The following ANKEF1 variants were observed in gnomAD, a reference collection of about 807,000 sequenced individuals.
ANKEF1 encodes the protein ankyrin repeat and EF-hand domain containing 1, also known as ankyrin repeat and EF-hand domain-containing protein 1.
A neutral mutation model predicts 65.1 loss-of-function variants in ANKEF1; 43 were observed. That is an observed-to-expected ratio of 0.66 (90% CI 0.52 to 0.85). ANKEF1 has a LOEUF of 0.85. Ranked by LOEUF, ANKEF1 falls within the 40% of genes least tolerant of loss-of-function variation. The probability of loss-of-function intolerance (pLI) is 0.00; values close to 1 mark genes in which losing one functional copy is unlikely to be tolerated. For synonymous variants in ANKEF1, 316 were observed against 341.5 expected (o/e 0.93, Z 0.82); for missense variants, 934 against 952.9 (o/e 0.98, Z 0.26).
intron 6 of ANKEF1, 30 bp downstream of exon 6, chr20:10,045,727 A>G (rs757001609): frequency 3.7e-6 from 6 of 1,611,518 alleles, no homozygotes; most frequent in South Asian, 2.2e-5. Flanking sequence ...TTGTGCTTCA[A>G]GTACTTATGA....
rs930104213 is a variant in ANKEF1, at chr20:10,057,268, G to C, written c.*1608G>C. On this transcript the variant is annotated 3_prime_UTR_variant, in exon 11 of 11. Coordinates refer to ENST00000378392, the MANE Select transcript of ANKEF1 (RefSeq NM_022096.6). ...GAGAGAGAATGAAGCAGGTAACCAG[G>C]CCCACCCCTCTGGAGGAGACAGACC... The C allele has an allele frequency of 4.6e-5, 7 of 152,234 alleles. No homozygotes were observed. Among genetic ancestry groups the C allele is most frequent in the African/African-American group, 1.4e-4 (6 of 41,452 alleles). The allele number at this position is 152,234 out of a possible 1,614,324, so 9.4% of individuals were successfully genotyped here.
At position 10,044,548 on chromosome 20, in the gene ANKEF1, T is replaced by G. The variant is rs371907601; in HGVS notation, c.696+5T>G. ...GCTAAAGGAGGCTTTTTCGATGTAA[T>G]AATCTATTCTTTGCTTTAAAATTTG... On this transcript the variant is annotated splice_donor_5th_base_variant and intron_variant, in intron 5 of 10. Coordinates refer to ENST00000378392, the MANE Select transcript of ANKEF1 (RefSeq NM_022096.6). 3 of 1,610,694 alleles carry G rather than the reference T, an allele frequency of 1.9e-6. No homozygotes were observed. The highest frequency in any genetic ancestry group is 2.5e-6 in the Non-Finnish European group (3 of 1,179,196).
Position 10,053,508 on chromosome 20 carries a change from G to GTAAAGCT in ANKEF1, c.2034+233_2034+234insTAAAGCT, listed in dbSNP as rs542365231. Among the ~76,000 whole-genome samples the GTAAAGCT allele has an allele frequency of 8.9e-3, 1,359 of 152,184 alleles. 8 individuals are homozygous for GTAAAGCT. Among genetic ancestry groups the GTAAAGCT allele is most frequent in the Middle Eastern group, 0.027 (8 of 294 alleles). On this transcript the variant is annotated intron_variant, in intron 9 of 10. Transcript: ENST00000378392. ...AAGAGAATCCATACAAAAACCAAATGGGTTCAGCCAAATACAATTAGAATG... is the reference window on the plus strand; with the variant it reads ...AAGAGAATCCATACAAAAACCAAATGTAAAGCTGGTTCAGCCAAATACAATTAGAATG...
chr20:10,051,616 C>T, intron 7 of ANKEF1, 47 bp from the exon 8 acceptor site: 1 of 1,438,418 alleles, frequency 7.0e-7, no homozygotes, highest in Non-Finnish European at 9.7e-7. Flanking sequence ...AGTGTCCAGT[C>T]ATTGGAAAAC....
In ANKEF1 at chr20:10,038,630, T is replaced by C. The variant is rs1029159051; in HGVS notation, c.329T>C (p.Val110Ala). The change falls in exon 3 of 11, where the codon GTT becomes GCT. Residue 110 changes from valine (V) to alanine (A), a missense_variant. By Grantham distance (64) the Val-to-Ala change is moderately conservative (BLOSUM62 0). Transcript: ENST00000378392. ...AAGGCAAAGGCTGATATGACTATAG[T>C]TGATAATGAAGGAAAAGGTAAAAAT... ...LAKAKADMTI[V>A]DNEGKGVLFY... 2 of 1,593,048 alleles carry C rather than the reference T, an allele frequency of 1.3e-6. No individual in the cohort carries two copies. Among genetic ancestry groups the C allele is most frequent in the African/African-American group, 1.3e-5 (1 of 74,432 alleles).
Position 10,044,486 on chromosome 20 carries a change from A to G in ANKEF1, c.639A>G (p.Ala213=), listed in dbSNP as rs1984391376. Residue 213 remains alanine (A), a synonymous_variant, in exon 5 of 11, where the codon GCA becomes GCG. Transcript: ENST00000378392. Reference sequence around the variant, plus strand: ...TGGAAAGAGGAGGTGAAGTGAATGCATTTGACAACGACAGGCATCACGCTG... The same window carrying G: ...TGGAAAGAGGAGGTGAAGTGAATGCGTTTGACAACGACAGGCATCACGCTG... ...GILERGGEVN[A]FDNDRHHAAH... is the part of the protein sequence containing the mutation. 1 of 1,614,046 alleles carries G rather than the reference A, an allele frequency of 6.2e-7. No homozygotes were observed. The highest frequency in any genetic ancestry group is 1.3e-5 in the African/African-American group (1 of 74,932).
chr20:10,039,613 C>T (rs1157170864), intron 3 of ANKEF1, among the ~76,000 whole-genome samples: 1 of 152,146 alleles, frequency 6.6e-6, no homozygotes, highest in Admixed American at 6.5e-5. Flanking sequence ...CATTCAGGGG[C>T]CAGATGTACT....
chr20:10,040,254 C>T (rs1209484867), intron 3 of ANKEF1, among the ~76,000 whole-genome samples: 1 of 152,260 alleles, frequency 6.6e-6, no homozygotes. Flanking sequence ...GCTCACTCAG[C>T]TTGCACATCC....
chr20:10,049,682 C>T lies in ANKEF1; in HGVS notation c.1113C>T (p.Ser371=). 2 of 1,614,160 alleles carry T rather than the reference C, an allele frequency of 1.2e-6. No homozygotes were observed. Among genetic ancestry groups the T allele is most frequent in the Non-Finnish European group, 1.7e-6 (2 of 1,180,010 alleles). Residue 371 remains serine, a synonymous_variant, in exon 7 of 11, where the codon AGC becomes AGT. Coordinates refer to ENST00000378392, the MANE Select transcript of ANKEF1 (RefSeq NM_022096.6). The stretch of plus-strand genomic sequence containing the variant: ...TGGAGGAAAGGCAGGATTATGCAAG[C>T]TCAGAACAGCTGGCTGCCATCGCTC... The part of the protein sequence containing the change: ...MVLEERQDYA[S]SEQLAAIAHL...
chr20:10,049,932 A>G lies in ANKEF1; in HGVS notation c.1363A>G (p.Met455Val). The G allele has an allele frequency of 6.2e-7, 1 of 1,614,216 alleles. No homozygotes were observed. Among genetic ancestry groups the G allele is most frequent in the African/African-American group, 1.3e-5 (1 of 75,066 alleles). The change falls in exon 7 of 11, where the codon ATG becomes GTG. Residue 455 changes from methionine (M) to valine (V), a missense_variant. Transcript: ENST00000378392. ...GCAGGATGGTGGGCCACCGTATTAC[A>G]TGATTGAGACCTACAAGAATGTCAC... ...RRQDGGPPYYMIETYKNVTDS... is the reference protein window; with the variant it reads ...RRQDGGPPYYVIETYKNVTDS...
At position 10,051,871 on chromosome 20, in the gene ANKEF1, C is replaced by G; in HGVS notation, c.1852C>G (p.Gln618Glu). The change falls in exon 8 of 11, where the codon CAG becomes GAG. Residue 618 changes from glutamine (Q) to glutamate (E), a missense_variant. Transcript: ENST00000378392. ...KYLLDIGAKF[Q>E]LENRKGHSAM... ...CCTACTTGATATTGGTGCTAAATTC[C>G]AGCTGGAAAATAGAAAAGGTATGCG... The G allele has an allele frequency of 6.2e-7, 1 of 1,610,614 alleles. No homozygotes were observed. Among genetic ancestry groups the G allele is most frequent in the Non-Finnish European group, 8.5e-7 (1 of 1,178,724 alleles).
At chr20:10,038,884 G>T (rs935440929) in intron 3 of ANKEF1, among the ~76,000 whole-genome samples, 1 of 152,202 alleles carries the variant, frequency 6.6e-6, no homozygotes, top group Non-Finnish European at 1.5e-5. Context: ...ATTAATTTGT[G>T]TTTGGTGGTT....
At position 10,045,620 on chromosome 20, in the gene ANKEF1, C is replaced by T. The variant is rs145101692; in HGVS notation, c.743C>T (p.Ser248Leu). The change falls in exon 6 of 11, where the codon TCG (serine) becomes TTG (leucine). Residue 248 changes from serine to leucine, a missense_variant. By Grantham distance (145) the Ser-to-Leu change is moderately radical. Coordinates refer to ENST00000378392, the MANE Select transcript of ANKEF1 (RefSeq NM_022096.6). ...TACAATGGAGACGTGGGGCTGATTT[C>T]GATAAATGGGAACACACCACTTCAT... ...FAYNGDVGLI[S>L]INGNTPLHYA... is the part of the protein sequence containing the mutation. The T allele has an allele frequency of 1.4e-5, 22 of 1,613,518 alleles. No individual in the cohort carries two copies. The highest frequency in any genetic ancestry group is 2.2e-5 in the South Asian group (2 of 91,074).
In ANKEF1 at chr20:10,057,910, T is replaced by C. The variant is rs916354978; in HGVS notation, c.*2250T>C. 8 of 148,354 alleles carry C rather than the reference T, an allele frequency of 5.4e-5. No homozygotes were observed. Among genetic ancestry groups the C allele is most frequent in the Non-Finnish European group, 1.1e-4 (7 of 65,166 alleles). The allele number at this position is 148,354 out of a possible 1,614,324, so 9.2% of individuals were successfully genotyped here. A position where few individuals can be genotyped will look rare whatever the true frequency, so the allele number is the denominator to read the frequency against. ...TCTTGTTTGTTTGTTTGTTTGTTTG[T>C]TTATGACAGTATATAAGAAGAACAC... is the stretch of plus-strand genomic sequence containing the variant. On this transcript the variant is annotated 3_prime_UTR_variant, in exon 11 of 11. Coordinates refer to ENST00000378392, the MANE Select transcript of ANKEF1 (RefSeq NM_022096.6).
chr20:10,052,941 C>T lies in ANKEF1; in HGVS notation c.1871-171C>T, dbSNP rs371082898. 1.4e-4 allele frequency among the ~76,000 whole-genome samples: 22 copies of T among 152,074 alleles called. No individual in the cohort carries two copies. In the South Asian group the frequency reaches 3.3e-3, roughly 23 times the overall value. ...AATCATGGGATCTTAAAGCTGGGACCGCCATAGAGAAAATCTGATCTAGCT... is the reference window on the plus strand; with the variant it reads ...AATCATGGGATCTTAAAGCTGGGACTGCCATAGAGAAAATCTGATCTAGCT... On this transcript the variant is annotated intron_variant, in intron 8 of 10. Transcript: ENST00000378392.
In ANKEF1 at chr20:10,055,601, C is replaced by T. The variant is rs1292109865; in HGVS notation, c.2272C>T (p.Pro758Ser). The T allele has an allele frequency of 6.2e-7, 1 of 1,613,702 alleles. No individual in the cohort carries two copies. Among genetic ancestry groups the T allele is most frequent in the Non-Finnish European group, 8.5e-7 (1 of 1,179,762 alleles). Reference protein sequence around the residue: ...HEVDFDDFMMPFQKNITEKAR... With the variant: ...HEVDFDDFMMSFQKNITEKAR... ...GGTGGACTTCGACGATTTTATGATG[C>T]CTTTTCAGAAGAACATCACAGAGAA... The change falls in exon 11 of 11, where the codon CCT becomes TCT. Residue 758 changes from proline to serine, a missense_variant. Transcript: ENST00000378392.
At chr20:10,038,126 T>A (rs1306926792) in intron 2 of ANKEF1, 132 bp from the exon 3 acceptor site, 1 of 469,528 alleles carries the variant, frequency 2.1e-6, no homozygotes, top group African/African-American at 2.0e-5. Flanking sequence ...GATATTTATG[T>A]ATAAATCCTA....
intron 4 of ANKEF1, 112 bp downstream of exon 4, chr20:10,043,433 G>C (rs1274874175): frequency 8.3e-6 from 8 of 968,076 alleles, no homozygotes; most frequent in Non-Finnish European, 1.1e-5. Flanking sequence ...TGTTCATTTT[G>C]ATTCAAAATG....
Position 10,051,610 on chromosome 20 carries a change from T to C in ANKEF1, c.1644-53T>C, listed in dbSNP as rs1984858715. ...GAAATCTTACTTTGCATTTTTAGTG[T>C]CCAGTCATTGGAAAACCGTATTTTT... On this transcript the variant is annotated intron_variant, in intron 7 of 10. Coordinates refer to ENST00000378392, the MANE Select transcript of ANKEF1 (RefSeq NM_022096.6). 4.4e-6 allele frequency: 6 copies of C among 1,369,948 alleles called. No individual in the cohort carries two copies. In the Admixed American group the frequency reaches 1.1e-4, roughly 25 times the overall value. The allele number at this position is 1,369,948 out of a possible 1,614,324, so 84.9% of individuals were successfully genotyped here.
Sources: allele counts gnomAD v4.1 joint callset (sites outside exome capture counted in the v4.1 genomes callset), GRCh38; gene constraint gnomAD v4.1.1; transcripts MANE v1.5; gene names NCBI Gene and HGNC (gene_info 2026-07-23, HGNC 2026-07-21).